Variants in KLRK1 observed in about 807,000 individuals in gnomAD.
KLRK1 encodes NKG2-D type II integral membrane protein.
In KLRK1, 40 loss-of-function variants were observed where a neutral mutation model predicts 31.3. The observed-to-expected ratio is 1.28, with a 90% CI of 0.99 to 1.67. The LOEUF is 1.67. Ranked by LOEUF, KLRK1 falls within the 40% of genes most tolerant of loss-of-function variation. The pLI is 0.00. For synonymous variants in KLRK1, 77 were observed against 77.3 expected (o/e 1.00, Z 0.02); for missense variants, 251 against 260.0 (o/e 0.97, Z 0.24).
intron 3 of KLRK1, among the ~76,000 whole-genome samples, chr12:10,385,875 T>C (rs1488378106): frequency 1.3e-5 from 2 of 151,982 alleles, no homozygotes; most frequent in Admixed American, 1.3e-4. Flanking sequence ...ATCCCATAAA[T>C]ATGTATAATT....
Position 10,372,783 on chromosome 12 carries a change from T to G in KLRK1, c.*331A>C, listed in dbSNP as rs1862885569. On this transcript the variant is annotated 3_prime_UTR_variant, in exon 8 of 8. Transcript: ENST00000240618. ...CACTCTCAGTGATCTGCTGGCCTTC[T>G]CTTCCTTCACTGATCCCCTGGGTGT... 1 of 276,670 alleles carries G rather than the reference T, an allele frequency of 3.6e-6. No individual in the cohort carries two copies. 17.1% of individuals were successfully genotyped at this position (276,670 alleles called of 1,614,324 possible). A position where few individuals can be genotyped will look rare whatever the true frequency, so the allele number is the denominator to read the frequency against.
At chr12:10,388,954 A>G in intron 1 of KLRK1, 79 bp from the exon 2 acceptor site, 1 of 983,082 alleles carries the variant, frequency 1.0e-6, no homozygotes, top group Non-Finnish European at 1.5e-6. Flanking sequence ...AGAAAAGTAA[A>G]ATGCAGAAAC....
rs149021628 is a variant in KLRK1, at chr12:10,378,623, C to T, written c.360G>A (p.Trp120Ter). 1.2e-6 allele frequency: 2 copies of T among 1,612,758 alleles called. No homozygotes were observed. The highest frequency in any genetic ancestry group is 1.7e-6 in the Non-Finnish European group (2 of 1,179,730). ...CYQFFDESKNWYESQASCMSQ... is the reference protein window; with the variant it reads ...CYQFFDESKN ...ACATACAAGAAGCCTGGCTCTCATA[C>T]CAGTTTTTACTCTCATCAAAAAATT... Residue 120 changes from tryptophan (W) to a stop codon, truncating the protein, a stop_gained, in exon 6 of 8, where the codon TGG (tryptophan) becomes TGA (stop). Transcript: ENST00000240618. LOFTEE classifies it high-confidence loss of function.
intron 7 of KLRK1, among the ~76,000 whole-genome samples, chr12:10,375,960 G>T (rs879515491): frequency 6.6e-6 from 1 of 152,166 alleles, no homozygotes; most frequent in Non-Finnish European, 1.5e-5. Context: ...AGACCAAGCT[G>T]TAGTTCACCG....
In KLRK1 at chr12:10,386,941, T is replaced by C. The variant is rs530301513; in HGVS notation, c.110A>G (p.Gln37Arg). The C allele has an allele frequency of 2.4e-5, 38 of 1,612,138 alleles. No individual in the cohort carries two copies. The South Asian group carries it at 4.2e-4, about 18-fold the overall frequency. The stretch of plus-strand genomic sequence containing the variant: ...TTTGCTTTTGACTACTGGACATCTT[T>C]GCTTTTGCCATCGTGTTGAAAAATC... ...KSDFSTRWQK[Q>R]RCPVVKSKCR... The change falls in exon 3 of 8, where the codon CAA becomes CGA. Residue 37 changes from glutamine (Q) to arginine (R), a missense_variant. Gln to Arg is a conservative substitution (Grantham distance 43, BLOSUM62 1). Transcript: ENST00000240618.
At position 10,381,142 on chromosome 12, in the gene KLRK1, C is replaced by T. The variant is rs185930490; in HGVS notation, c.149-1350G>A. The stretch of plus-strand genomic sequence containing the variant: ...CTCAGCATAGAGAGAGTCATGCATG[C>T]GCCCCCCCAGATTCCCAGAGCCACT... On this transcript the variant is annotated intron_variant, in intron 3 of 7. Transcript: ENST00000240618. Among the ~76,000 whole-genome samples, 88 of 152,024 alleles carry T rather than the reference C, an allele frequency of 5.8e-4. 1 individual carries two copies. Among genetic ancestry groups the T allele is most frequent in the African/African-American group, 2.0e-3 (81 of 41,446 alleles).
chr12:10,378,198 C>T lies in KLRK1; in HGVS notation c.467G>A (p.Gly156Glu). 1 of 1,614,026 alleles carries T rather than the reference C, an allele frequency of 6.2e-7. No homozygotes were observed. Among genetic ancestry groups the T allele is most frequent in the Non-Finnish European group, 8.5e-7 (1 of 1,179,980 alleles). Residue 156 changes from glycine to glutamate, a missense_variant, in exon 7 of 8, where the codon GGA becomes GAA. Transcript: ENST00000240618. Reference protein sequence around the residue: ...LKLVKSYHWMGLVHIPTNGSW... With the variant: ...LKLVKSYHWMELVHIPTNGSW... ...TCCATTTGTTGGAATGTGTACTAGT[C>T]CCATCCAATGATATGACTTCACCAG...
intron 3 of KLRK1, among the ~76,000 whole-genome samples, chr12:10,386,097 A>T (rs1863162891): frequency 6.6e-6 from 1 of 151,618 alleles, no homozygotes; most frequent in Non-Finnish European, 1.5e-5. Context: ...CTCTGGACAG[A>T]TCTAATTTTT....
At chr12:10,375,941 A>G (rs538535888) in intron 7 of KLRK1, among the ~76,000 whole-genome samples, 3 of 152,340 alleles carry the variant, frequency 2.0e-5, no homozygotes, top group East Asian at 1.9e-4. Context: ...GACACTTCAG[A>G]ATCCAGAAAG....
intron 5 of KLRK1, chr12:10,379,185 A>AGCC (rs1245322870): frequency 6.2e-6 from 1 of 160,546 alleles, no homozygotes; most frequent in African/African-American, 2.9e-5. Context: ...ACTGCACTCC[A>AGCC]GCCTGGGTGA....
At position 10,388,802 on chromosome 12, in the gene KLRK1, C is replaced by T. The variant is rs369792233; in HGVS notation, c.9G>A (p.Trp3Ter). Residue 3 changes from tryptophan to a stop codon, truncating the protein, a stop_gained, in exon 2 of 8, where the codon TGG (tryptophan) becomes TGA (stop). Coordinates refer to ENST00000240618, the MANE Select transcript of KLRK1 (RefSeq NM_007360.4). LOFTEE classifies it high-confidence loss of function. MG[W>*]IRGRRSRHSW... The stretch of plus-strand genomic sequence containing the variant: ...TGTGTCGAGACCTCCGACCACGAAT[C>T]CACCCCATCAAATACTTATAAGTGC... 110 of 1,613,768 alleles carry T rather than the reference C, an allele frequency of 6.8e-5. No homozygotes were observed. The highest frequency in any genetic ancestry group is 8.4e-5 in the Non-Finnish European group (99 of 1,179,930).
chr12:10,377,757 A>G (rs1181531838), intron 7 of KLRK1, among the ~76,000 whole-genome samples: 2 of 152,326 alleles, frequency 1.3e-5, no homozygotes, highest in East Asian at 3.9e-4. Context: ...GACTTATCAA[A>G]TTGTATACTT....
At position 10,386,920 on chromosome 12, in the gene KLRK1, C is replaced by T; in HGVS notation, c.131G>A (p.Ser44Asn). ...GGACTTACCATTTTCTCTACATTTG[C>T]TTTTGACTACTGGACATCTTTGCTT... The part of the protein sequence containing the change: ...WQKQRCPVVK[S>N]KCRENASPFF... Residue 44 changes from serine to asparagine, a missense_variant, in exon 3 of 8, where the codon AGC (serine) becomes AAC (asparagine). Ser to Asn is a conservative substitution (Grantham distance 46, BLOSUM62 1). Transcript: ENST00000240618. The T allele has an allele frequency of 6.2e-7, 1 of 1,611,556 alleles. No individual in the cohort carries two copies. Among genetic ancestry groups the T allele is most frequent in the East Asian group, 2.2e-5 (1 of 44,610 alleles).
intron 3 of KLRK1, among the ~76,000 whole-genome samples, chr12:10,382,949 T>G (rs964441480): frequency 6.6e-6 from 1 of 152,126 alleles, no homozygotes; most frequent in Non-Finnish European, 1.5e-5. Context: ...AAATAATTGC[T>G]ATAAGCTATA....
At chr12:10,386,851 C>G in intron 3 of KLRK1, 52 bp downstream of exon 3, 3 of 1,432,912 alleles carry the variant, frequency 2.1e-6, no homozygotes, top group Non-Finnish European at 2.8e-6. Flanking sequence ...CACATAGTTT[C>G]CAAGATTCAT....
chr12:10,374,515 C>T (rs1421947827), intron 7 of KLRK1, among the ~76,000 whole-genome samples: 3 of 151,474 alleles, frequency 2.0e-5, no homozygotes, highest in Non-Finnish European at 4.4e-5. Flanking sequence ...GCCCCTCAGC[C>T]TCAGGAGTAG....
intron 3 of KLRK1, among the ~76,000 whole-genome samples, chr12:10,380,574 C>T (rs1022945293): frequency 6.6e-6 from 1 of 152,006 alleles, no homozygotes; most frequent in Non-Finnish European, 1.5e-5. Context: ...ATGCTCAGGG[C>T]GATAGCATAG....
At chr12:10,377,566 A>G (rs1231009038) in intron 7 of KLRK1, among the ~76,000 whole-genome samples, 2 of 98,228 alleles carry the variant, frequency 2.0e-5, no homozygotes, top group Non-Finnish European at 5.4e-5. Context: ...ATTAAATTCT[A>G]TGAATTGCAA....
chr12:10,375,021 T>C (rs1031607019), intron 7 of KLRK1, among the ~76,000 whole-genome samples: 1 of 139,022 alleles, frequency 7.2e-6, no homozygotes, highest in South Asian at 2.3e-4. Flanking sequence ...TCTTATTTTT[T>C]AGAGAATCAA....
Sources: gnomAD v4.1 joint callset for allele counts (sites outside exome capture counted in the v4.1 genomes callset) on GRCh38, gnomAD v4.1.1 for gene constraint, MANE v1.5 for transcripts, NCBI Gene and HGNC (gene_info 2026-07-23, HGNC 2026-07-21) for gene names.